The following NLGN1 variants were observed in gnomAD, a reference collection of about 807,000 sequenced individuals.
The protein encoded by NLGN1 is neuroligin 1.
A neutral mutation model predicts 65.5 loss-of-function variants in NLGN1; 12 were observed. That is an observed-to-expected ratio of 0.18 (90% CI 0.12 to 0.30). NLGN1 has a LOEUF of 0.30. Ranked by LOEUF, NLGN1 falls within the 10% of genes least tolerant of loss-of-function variation. NLGN1 has a pLI of 1.00. For missense variants in NLGN1, 750 were observed against 1,007.1 expected, an observed-to-expected ratio of 0.74 and a Z score of 3.46; for synonymous variants, 350 against 359.5, an observed-to-expected ratio of 0.97 and a Z score of 0.30.
intron 4 of NLGN1, among the ~76,000 whole-genome samples, chr3:174,266,284 C>A (rs1198477520): frequency 1.3e-5 from 2 of 152,046 alleles, no homozygotes; most frequent in African/African-American, 2.4e-5. Flanking sequence ...ATTTAACCTC[C>A]ACTTACAGGT....
intron 3 of NLGN1, among the ~76,000 whole-genome samples, chr3:173,771,164 C>T (rs879718701): frequency 6.6e-6 from 1 of 152,162 alleles, no homozygotes; most frequent in Non-Finnish European, 1.5e-5. Context: ...ACTTCTAAAT[C>T]ATTTATTTTA....
chr3:174,193,949 G>A (rs1239591378), intron 4 of NLGN1, among the ~76,000 whole-genome samples: 2 of 151,890 alleles, frequency 1.3e-5, no homozygotes, highest in Admixed American at 6.6e-5. Context: ...AGTCACTGCA[G>A]AGCTTAGAAT....
At chr3:174,142,308 T>C (rs1008810575) in intron 4 of NLGN1, among the ~76,000 whole-genome samples, 2 of 152,206 alleles carry the variant, frequency 1.3e-5, no homozygotes, top group African/African-American at 4.8e-5. Context: ...CAGAGTGTAT[T>C]TATCCATTCT....
chr3:174,094,258 A>C (rs1745050355), intron 4 of NLGN1, among the ~76,000 whole-genome samples: 1 of 152,182 alleles, frequency 6.6e-6, no homozygotes, highest in South Asian at 2.1e-4. Context: ...ATAGACACAT[A>C]AGTGAAAAAA....
intron 3 of NLGN1, among the ~76,000 whole-genome samples, chr3:173,679,685 G>A (rs1763685705): frequency 6.6e-6 from 1 of 152,076 alleles, no homozygotes; most frequent in African/African-American, 2.4e-5. Context: ...ATTGGTCTCA[G>A]GAAGGAAAGA....
At chr3:173,596,177 T>C (rs1005475000) in intron 2 of NLGN1, among the ~76,000 whole-genome samples, 10 of 152,304 alleles carry the variant, frequency 6.6e-5, no homozygotes, top group African/African-American at 2.4e-4. Flanking sequence ...ACATTCTATT[T>C]TCTCTCTCTC....
chr3:173,569,185 T>C (rs950786073), intron 2 of NLGN1, among the ~76,000 whole-genome samples: 14 of 152,148 alleles, frequency 9.2e-5, no homozygotes, highest in African/African-American at 3.4e-4. Flanking sequence ...TTATTAGACA[T>C]AATTTTAATA....
chr3:174,008,313 C>G (rs1724856403), intron 4 of NLGN1, among the ~76,000 whole-genome samples: 1 of 152,016 alleles, frequency 6.6e-6, no homozygotes, highest in Non-Finnish European at 1.5e-5. Flanking sequence ...CGTAGGCAAA[C>G]CTGCTGTCAT....
chr3:174,160,339 A>C (rs1299075523), intron 4 of NLGN1, among the ~76,000 whole-genome samples: 1 of 151,696 alleles, frequency 6.6e-6, no homozygotes, highest in Non-Finnish European at 1.5e-5. Flanking sequence ...TCCTAAATAC[A>C]TCAGCATTCC....
chr3:173,632,849 G>GTTTTTTTT lies in NLGN1; in HGVS notation c.493+27769_493+27776dup, dbSNP rs5854526. 8.7e-3 allele frequency among the ~76,000 whole-genome samples: 1,012 copies of GTTTTTTTT among 116,320 alleles called. 10 individuals are homozygous for GTTTTTTTT. The highest frequency in any genetic ancestry group is 0.024 in the Admixed American group (254 of 10,584). 76.3% of individuals were successfully genotyped at this position (116,320 alleles called of 152,430 possible). On this transcript the variant is annotated intron_variant, in intron 3 of 6. Transcript: ENST00000457714. ...CTCCTTGAGTAGTGTTTTTTTTTTT[G>GTTTTTTTT]TTTTTTTTTTTTTTTTTTAATAGTT...
At chr3:173,541,576 T>G (rs1360574105) in intron 2 of NLGN1, among the ~76,000 whole-genome samples, 1 of 152,092 alleles carries the variant, frequency 6.6e-6, no homozygotes, top group Non-Finnish European at 1.5e-5. Context: ...ATGAAGACAG[T>G]GATATAATTA....
intron 3 of NLGN1, among the ~76,000 whole-genome samples, chr3:173,612,062 G>A (rs1440563422): frequency 6.6e-6 from 1 of 151,698 alleles, no homozygotes; most frequent in Admixed American, 6.6e-5. Context: ...ATAATATTCT[G>A]GTCTTTAATA....
rs182358455 is a variant in NLGN1, at chr3:173,521,305, A to T, written c.-320-82974A>T. ...TCAAAAGCTGGTGAATGACAGAGCC[A>T]GGATTAGAATGAAGATATTTGAGAC... On this transcript the variant is annotated intron_variant, in intron 2 of 6. Coordinates refer to ENST00000457714, the Ensembl canonical transcript of NLGN1. 6.6e-4 allele frequency among the ~76,000 whole-genome samples: 101 copies of T among 152,342 alleles called. 1 individual carries two copies. Among genetic ancestry groups the T allele is most frequent in the Non-Finnish European group, 5.7e-4 (39 of 68,030 alleles).
intron 4 of NLGN1, among the ~76,000 whole-genome samples, chr3:173,874,618 T>C (rs1162470695): frequency 2.0e-5 from 3 of 152,150 alleles, no homozygotes; most frequent in African/African-American, 7.2e-5. Context: ...TGGAAGACAA[T>C]GAAAATTTTC....
rs5854531 is a variant in NLGN1, at chr3:173,726,940, C to CAA, written c.494-80728_494-80727dup. Among the ~76,000 whole-genome samples, 189 of 134,072 alleles carry CAA rather than the reference C, an allele frequency of 1.4e-3. 2 individuals carry two copies. Among genetic ancestry groups the CAA allele is most frequent in the African/African-American group, 4.9e-3 (177 of 35,780 alleles). 88.0% of individuals were successfully genotyped at this position (134,072 alleles called of 152,430 possible). Reference sequence around the variant, plus strand: ...TGCGATTCACTTTCCATTTCCTTACCAAAAAAAAAAAAAGAAGAAGAAGAA... The same window carrying CAA: ...TGCGATTCACTTTCCATTTCCTTACCAAAAAAAAAAAAAAAGAAGAAGAAGAA... On this transcript the variant is annotated intron_variant, in intron 3 of 6. Transcript: ENST00000457714.
intron 4 of NLGN1, among the ~76,000 whole-genome samples, chr3:174,164,884 G>C (rs1727214474): frequency 6.6e-6 from 1 of 151,990 alleles, no homozygotes; most frequent in Non-Finnish European, 1.5e-5. Flanking sequence ...CAGTTTGATA[G>C]GAATAGTATT....
intron 1 of NLGN1, among the ~76,000 whole-genome samples, chr3:173,398,956 CCTATGTTT>C (rs1717139962): frequency 1.3e-5 from 2 of 152,106 alleles, no homozygotes; most frequent in Admixed American, 1.3e-4. Flanking sequence ...GGTATGTGTA[CCTATGTTT>C]GAGTGTAAAA....
chr3:174,198,545 A>AT (rs939381995), intron 4 of NLGN1, among the ~76,000 whole-genome samples: 130 of 152,184 alleles, frequency 8.5e-4, no homozygotes, highest in Middle Eastern at 6.8e-3. Flanking sequence ...ACAAATTTCT[A>AT]TTTTTTCTGG....
At chr3:173,524,976 T>G (rs1220278597) in intron 2 of NLGN1, among the ~76,000 whole-genome samples, 5 of 152,178 alleles carry the variant, frequency 3.3e-5, no homozygotes, top group Non-Finnish European at 7.3e-5. Flanking sequence ...TTGCTAGTAT[T>G]TTGTTGAGGA....
Sources: gnomAD v4.1 joint callset for allele counts (sites outside exome capture counted in the v4.1 genomes callset) on GRCh38, gnomAD v4.1.1 for gene constraint, MANE v1.5 for transcripts, NCBI Gene and HGNC (gene_info 2026-07-23, HGNC 2026-07-21) for gene names.